Variants in RPS6KA2 observed in about 807,000 individuals in gnomAD.
RPS6KA2 encodes ribosomal protein S6 kinase alpha-2.
Under a neutral mutation model 91.8 loss-of-function variants are expected in RPS6KA2, and 42 were observed. The ratio of observed to expected loss-of-function variants is 0.46; its 90% CI spans 0.36 to 0.59. The LOEUF (loss-of-function observed/expected upper bound fraction) is 0.59. RPS6KA2 is among the 20% of genes least tolerant of loss of function. RPS6KA2 has a pLI of 0.00. For synonymous variants in RPS6KA2, 414 were observed against 393.6 expected (o/e 1.05, Z -0.61); for missense variants, 798 against 978.5 (o/e 0.82, Z 2.46).
intron 2 of RPS6KA2, among the ~76,000 whole-genome samples, chr6:166,636,323 G>A (rs1787241450): frequency 6.6e-6 from 1 of 152,138 alleles, no homozygotes; most frequent in East Asian, 1.9e-4. Flanking sequence ...ATCTCGGACA[G>A]GCTTGAATCA....
intron 3 of RPS6KA2, among the ~76,000 whole-genome samples, chr6:166,524,241 C>G (rs1782950599): frequency 6.6e-6 from 1 of 152,198 alleles, no homozygotes; most frequent in Non-Finnish European, 1.5e-5. Context: ...CATATCTCCT[C>G]TAGGCTGAGA....
intron 2 of RPS6KA2, among the ~76,000 whole-genome samples, chr6:166,679,851 G>T (rs1788733256): frequency 6.6e-6 from 1 of 152,248 alleles, no homozygotes; most frequent in South Asian, 2.1e-4. Flanking sequence ...CCCGCACTCA[G>T]CGCGGTTGGC....
intron 2 of RPS6KA2, among the ~76,000 whole-genome samples, chr6:166,682,707 A>G (rs1460840023): frequency 1.3e-5 from 2 of 152,230 alleles, no homozygotes; most frequent in East Asian, 1.9e-4. Flanking sequence ...TAGCCGGGAC[A>G]AGCTCATTCA....
chr6:166,721,956 T>C (rs1056206066), intron 2 of RPS6KA2, among the ~76,000 whole-genome samples: 1 of 152,210 alleles, frequency 6.6e-6, no homozygotes, highest in Non-Finnish European at 1.5e-5. Context: ...TTGTGCAAAA[T>C]GTTTAGGTAC....
intron 2 of RPS6KA2, among the ~76,000 whole-genome samples, chr6:166,854,438 T>C (rs1325009396): frequency 6.6e-6 from 1 of 152,170 alleles, no homozygotes; most frequent in Non-Finnish European, 1.5e-5. Flanking sequence ...CAAGTTGGAG[T>C]GATCACAGCA....
intron 16 of RPS6KA2, among the ~76,000 whole-genome samples, chr6:166,429,448 T>A (rs1350026788): frequency 1.3e-5 from 2 of 151,804 alleles, no homozygotes; most frequent in African/African-American, 2.4e-5. Flanking sequence ...ATAATAAAAT[T>A]AAAAAAAAAT....
At chr6:166,646,610 G>A (rs576843591) in intron 2 of RPS6KA2, among the ~76,000 whole-genome samples, 4 of 152,360 alleles carry the variant, frequency 2.6e-5, no homozygotes, top group East Asian at 1.9e-4. Flanking sequence ...GGTCACCCGC[G>A]TCCCAGCCTG....
At chr6:166,527,554 C>T (rs1783102653) in intron 3 of RPS6KA2, among the ~76,000 whole-genome samples, 1 of 152,202 alleles carries the variant, frequency 6.6e-6, no homozygotes, top group Admixed American at 6.5e-5. Context: ...AGAATAACAG[C>T]TTTTTGGAGA....
intron 10 of RPS6KA2, among the ~76,000 whole-genome samples, chr6:166,477,966 G>C (rs1316769791): frequency 6.6e-6 from 1 of 152,248 alleles, no homozygotes; most frequent in Non-Finnish European, 1.5e-5. Context: ...ATTGCTGCAA[G>C]AATAGATCTG....
chr6:166,730,493 T>C (rs952694835), intron 2 of RPS6KA2, among the ~76,000 whole-genome samples: 3 of 152,234 alleles, frequency 2.0e-5, no homozygotes, highest in Admixed American at 6.5e-5. Flanking sequence ...GATCCTGACA[T>C]GACACTGTCA....
chr6:166,716,326 G>A (rs1282859144), intron 2 of RPS6KA2, among the ~76,000 whole-genome samples: 2 of 152,094 alleles, frequency 1.3e-5, no homozygotes, highest in Admixed American at 6.5e-5. Context: ...AAACAAATAG[G>A]ACGATGATTT....
chr6:166,412,493 C>A lies in RPS6KA2; in HGVS notation c.*269G>T. On this transcript the variant is annotated 3_prime_UTR_variant, in exon 21 of 21. Transcript: ENST00000265678. This position sits in a 1 kb window ranked among gnomAD's most constrained non-coding sequence, Gnocchi z 4.3. ...CGCGGGCTCTGAAAGAAGCCCCCGG[C>A]CTCGCACGGGCACGCGAGGTGAAGG... The A allele has an allele frequency of 6.8e-6, 2 of 292,578 alleles. No individual in the cohort carries two copies. 18.1% of individuals were successfully genotyped at this position (292,578 alleles called of 1,614,324 possible).
intron 1 of RPS6KA2, among the ~76,000 whole-genome samples, chr6:166,545,261 C>A (rs576645161): frequency 6.6e-6 from 1 of 152,352 alleles, no homozygotes; most frequent in South Asian, 2.1e-4. Context: ...TGTGCAGGAA[C>A]AGGGCTGGGC....
intron 2 of RPS6KA2, among the ~76,000 whole-genome samples, chr6:166,725,908 C>A (rs1337872346): frequency 6.6e-6 from 1 of 152,208 alleles, no homozygotes; most frequent in Non-Finnish European, 1.5e-5. Context: ...TGTGATTCCC[C>A]AGCTTTGAGA....
At position 166,782,969 on chromosome 6, in the gene RPS6KA2, T is replaced by C. The variant is rs1411811172; in HGVS notation, c.123+75231A>G. On this transcript the variant is annotated intron_variant, in intron 2 of 21. Transcript: ENST00000503859. Reference sequence around the variant, plus strand: ...GGCCTCTGGCCCCAGGATAGCTAATTTGTGTCCACTTGGCTGTGCTGTGGT... The same window carrying C: ...GGCCTCTGGCCCCAGGATAGCTAATCTGTGTCCACTTGGCTGTGCTGTGGT... Among the ~76,000 whole-genome samples the C allele has an allele frequency of 2.6e-5, 4 of 152,004 alleles. No homozygotes were observed. The East Asian group carries it at 7.7e-4, about 29-fold the overall frequency.
At chr6:166,613,438 T>C (rs926865589) in intron 1 of RPS6KA2, among the ~76,000 whole-genome samples, 12 of 152,252 alleles carry the variant, frequency 7.9e-5, no homozygotes, top group Admixed American at 6.5e-4. Flanking sequence ...AGGTTGATCC[T>C]GTACAGAGGA....
At chr6:166,516,205 C>T (rs1231299989) in intron 3 of RPS6KA2, among the ~76,000 whole-genome samples, 1 of 152,168 alleles carries the variant, frequency 6.6e-6, no homozygotes, top group Non-Finnish European at 1.5e-5. Context: ...CCATTGCCCA[C>T]CTCTCCCCCG....
At chr6:166,499,753 G>C (rs1431397799) in intron 7 of RPS6KA2, among the ~76,000 whole-genome samples, 1 of 152,214 alleles carries the variant, frequency 6.6e-6, no homozygotes, top group Non-Finnish European at 1.5e-5. Flanking sequence ...TTTATTAGCA[G>C]TGTGAGAATA....
At chr6:166,832,737 G>A (rs1355608884) in intron 2 of RPS6KA2, among the ~76,000 whole-genome samples, 1 of 152,128 alleles carries the variant, frequency 6.6e-6, no homozygotes, top group Non-Finnish European at 1.5e-5. Context: ...TCATTAATTT[G>A]ATCTAACTGG....
Sources: allele counts gnomAD v4.1 joint callset (sites outside exome capture counted in the v4.1 genomes callset), GRCh38; gene constraint gnomAD v4.1.1; non-coding constraint Gnocchi (gnomAD v3.1); transcripts MANE v1.5; gene names NCBI Gene and HGNC (gene_info 2026-07-23, HGNC 2026-07-21).